DGKD: variants seen among roughly 807,000 people sequenced by gnomAD.
DGKD encodes diacylglycerol kinase delta, also known as DAG kinase delta.
A neutral mutation model predicts 154.4 loss-of-function variants in DGKD; 68 were observed. That is an observed-to-expected ratio of 0.44 (90% CI 0.36 to 0.54). The LOEUF (loss-of-function observed/expected upper bound fraction) is 0.54. DGKD is among the 20% of genes least tolerant of loss of function. The pLI is 0.00. For missense variants in DGKD, 1,343 were observed against 1,593.6 expected (o/e 0.84, Z 2.68); for synonymous variants, 693 against 638.0 (o/e 1.09, Z -1.30).
chr2:233,394,452 C>G (rs1335855416), intron 3 of DGKD, among the ~76,000 whole-genome samples: 1 of 151,980 alleles, frequency 6.6e-6, no homozygotes, highest in Non-Finnish European at 1.5e-5. Flanking sequence ...CTATGTTGCT[C>G]AGGCTGGTCT....
intron 1 of DGKD, among the ~76,000 whole-genome samples, chr2:233,367,176 G>T (rs937757153): frequency 3.3e-5 from 5 of 151,050 alleles, no homozygotes; most frequent in Admixed American, 2.0e-4. Flanking sequence ...TTCCCTACCT[G>T]CCTATAACAT....
chr2:233,358,998 C>T (rs182692734), intron 1 of DGKD, among the ~76,000 whole-genome samples: 40 of 152,346 alleles, frequency 2.6e-4, no homozygotes, highest in Non-Finnish European at 5.0e-4. Flanking sequence ...TACATTCCCA[C>T]CAGCTGTGTA....
chr2:233,408,129 G>A (rs1229258306), intron 3 of DGKD, among the ~76,000 whole-genome samples: 4 of 143,678 alleles, frequency 2.8e-5, no homozygotes, highest in Admixed American at 2.2e-4. Context: ...TGCAACCTCC[G>A]CCTCCCGGGT....
In DGKD at chr2:233,452,245, C is replaced by A. The variant is rs998539694; in HGVS notation, c.2264+185C>A. ...GGAGCTGGAAACCACTACTGCACATCTGCTGCAGAGGCAAAGCGCACGCCT... is the reference window on the plus strand; with the variant it reads ...GGAGCTGGAAACCACTACTGCACATATGCTGCAGAGGCAAAGCGCACGCCT... On this transcript the variant is annotated intron_variant, in intron 18 of 29. Coordinates refer to ENST00000264057, the MANE Select transcript of DGKD (RefSeq NM_152879.3). The surrounding 1 kb of genome is among the most constrained non-coding windows in gnomAD (Gnocchi z 4.0). Among the ~76,000 whole-genome samples the A allele has an allele frequency of 6.6e-6, 1 of 152,244 alleles. No individual in the cohort carries two copies. Among genetic ancestry groups the A allele is most frequent in the Non-Finnish European group, 1.5e-5 (1 of 68,048 alleles).
At chr2:233,423,836 C>T (rs531179021) in intron 3 of DGKD, among the ~76,000 whole-genome samples, 9 of 152,200 alleles carry the variant, frequency 5.9e-5, no homozygotes, top group Non-Finnish European at 8.8e-5. Flanking sequence ...TCACTGTTTT[C>T]GGCTGCTGCT....
chr2:233,426,822 C>T (rs562644800), intron 3 of DGKD, among the ~76,000 whole-genome samples: 2 of 152,308 alleles, frequency 1.3e-5, no homozygotes, highest in South Asian at 4.1e-4. Flanking sequence ...CACCAAATTG[C>T]ACTGTCACCA....
chr2:233,435,697 G>C, intron 5 of DGKD, 121 bp from the exon 6 acceptor site: 1 of 749,596 alleles, frequency 1.3e-6, no homozygotes, highest in Non-Finnish European at 2.1e-6. Flanking sequence ...TTATAAAATG[G>C]GAGTGCCATT....
At chr2:233,420,070 T>C (rs1234139523) in intron 3 of DGKD, among the ~76,000 whole-genome samples, 2 of 152,188 alleles carry the variant, frequency 1.3e-5, no homozygotes, top group African/African-American at 2.4e-5. Flanking sequence ...CAGTTGTGTC[T>C]GCCATGAGAC....
At chr2:233,448,524 T>C (rs534517361) in intron 14 of DGKD, 149 bp downstream of exon 14, 51 of 705,190 alleles carry the variant, frequency 7.2e-5, no homozygotes, top group Middle Eastern at 7.7e-4. Context: ...AAGACAAGAA[T>C]GAAGCAACAA....
At chr2:233,426,415 G>C (rs1265729286) in intron 3 of DGKD, among the ~76,000 whole-genome samples, 1 of 152,140 alleles carries the variant, frequency 6.6e-6, no homozygotes, top group Admixed American at 6.5e-5. Context: ...CTTGATGCAT[G>C]TTCCCGACCA....
chr2:233,376,480 A>G (rs747870305), intron 1 of DGKD, among the ~76,000 whole-genome samples: 1 of 152,212 alleles, frequency 6.6e-6, no homozygotes, highest in Non-Finnish European at 1.5e-5. Flanking sequence ...CTCCTGGCAC[A>G]TAGTAGGCAC....
chr2:233,466,552 G>A (rs572263284), intron 27 of DGKD, among the ~76,000 whole-genome samples: 1 of 152,242 alleles, frequency 6.6e-6, no homozygotes, highest in Non-Finnish European at 1.5e-5. Flanking sequence ...GTGCTGTGTG[G>A]AGAGGCTGCC....
At chr2:233,426,459 T>C (rs2062302900) in intron 3 of DGKD, among the ~76,000 whole-genome samples, 1 of 152,110 alleles carries the variant, frequency 6.6e-6, no homozygotes. Context: ...ATCCCTCCTG[T>C]GTGCCCCTCC....
intron 5 of DGKD, among the ~76,000 whole-genome samples, chr2:233,435,473 T>C (rs2062657948): frequency 6.6e-6 from 1 of 152,216 alleles, no homozygotes; most frequent in Non-Finnish European, 1.5e-5. Context: ...GAAAATTACA[T>C]GAAATTCAAA....
chr2:233,454,703 A>G (rs2124899605), intron 18 of DGKD, 60 bp from the exon 19 acceptor site: 2 of 966,282 alleles, frequency 2.1e-6, no homozygotes, highest in Non-Finnish European at 3.3e-6. Flanking sequence ...AGAGGTTGGG[A>G]GTCTGAAATA....
rs2228937 is a variant in DGKD at position 233,449,192 on chromosome 2, C to G, written c.1704C>G (p.Pro568=). 7,950 of 1,613,836 alleles carry G rather than the reference C, an allele frequency of 4.9e-3. 33 individuals are homozygous for G. The highest frequency in any genetic ancestry group is 6.3e-3 in the Middle Eastern group (38 of 6,062). ...CGTCCTCTCTGCCCAACCCGCCCCC[C>G]ACCATTGCCGAGGAGGCTGAAGATG... ...QASSSLPNPP[P]TIAEEAEDGD... Residue 568 remains proline (P), a synonymous_variant, in exon 15 of 30, where the codon CCC becomes CCG. Transcript: ENST00000264057. This position sits in a 1 kb window ranked among gnomAD's most constrained non-coding sequence, Gnocchi z 5.3.
At chr2:233,358,559 C>G (rs1181201968) in intron 1 of DGKD, among the ~76,000 whole-genome samples, 1 of 152,182 alleles carries the variant, frequency 6.6e-6, no homozygotes, top group African/African-American at 2.4e-5. Context: ...TTTCATCACC[C>G]CGTTTCCTCT....
chr2:233,378,897 C>G (rs1702734250), intron 1 of DGKD, among the ~76,000 whole-genome samples: 1 of 152,170 alleles, frequency 6.6e-6, no homozygotes, highest in Non-Finnish European at 1.5e-5. Flanking sequence ...CAAAACAAAA[C>G]AAGCGCACCT....
intron 3 of DGKD, among the ~76,000 whole-genome samples, chr2:233,408,680 C>G (rs1169291326): frequency 6.6e-6 from 1 of 152,238 alleles, no homozygotes; most frequent in Non-Finnish European, 1.5e-5. Flanking sequence ...CTACCTAGCA[C>G]AGCAATGGTG....
Sources: gnomAD v4.1 joint callset for allele counts (sites outside exome capture counted in the v4.1 genomes callset) on GRCh38, gnomAD v4.1.1 for gene constraint, Gnocchi (gnomAD v3.1) non-coding constraint, MANE v1.5 for transcripts, NCBI Gene and HGNC (gene_info 2026-07-23, HGNC 2026-07-21) for gene names.